The following SBF2 variants were observed in gnomAD, a reference collection of about 807,000 sequenced individuals.
SBF2 encodes the protein myotubularin-related protein 13.
A neutral mutation model predicts 225.2 loss-of-function variants in SBF2; 112 were observed. That is an observed-to-expected ratio of 0.50 (90% CI 0.43 to 0.58). The LOEUF (loss-of-function observed/expected upper bound fraction) is 0.58, where lower values mean the gene tolerates loss of function less well. Ranked by LOEUF, SBF2 falls within the 20% of genes least tolerant of loss-of-function variation. The pLI is 0.00. For missense variants in SBF2, 1,996 were observed against 2,206.2 expected (o/e 0.90, Z 1.91); for synonymous variants, 763 against 773.3 (o/e 0.99, Z 0.22).
chr11:10,063,858 C>CACACAGAGAGAGAGAGAGAGAG (rs373423157), intron 2 of SBF2, among the ~76,000 whole-genome samples: 92 of 136,222 alleles, frequency 6.8e-4, no homozygotes, highest in East Asian at 5.1e-3. Flanking sequence ...CACACACACA[C>CACACAGAGAGAGAGAGAGAGAG]AGAGAGAGAG....
intron 2 of SBF2, among the ~76,000 whole-genome samples, chr11:10,070,730 A>T (rs1041996171): frequency 3.9e-5 from 6 of 152,192 alleles, no homozygotes; most frequent in Non-Finnish European, 7.4e-5. Context: ...GATGGAATTG[A>T]ATCTATAGAT....
At chr11:10,119,055 T>A (rs1011950327) in intron 2 of SBF2, among the ~76,000 whole-genome samples, 44 of 152,062 alleles carry the variant, frequency 2.9e-4, no homozygotes, top group African/African-American at 1.1e-3. Flanking sequence ...ATTTTGCAAT[T>A]CTCAGGGTAG....
intron 1 of SBF2, among the ~76,000 whole-genome samples, chr11:10,279,871 G>T (rs1365629617): frequency 6.6e-6 from 1 of 151,914 alleles, no homozygotes; most frequent in South Asian, 2.1e-4. Context: ...GGCTGGTCTC[G>T]AACTTCTGAC....
At chr11:9,792,937 GTGTT>G (rs1455736388) in intron 33 of SBF2, among the ~76,000 whole-genome samples, 4 of 132,538 alleles carry the variant, frequency 3.0e-5, no homozygotes, top group Non-Finnish European at 4.8e-5. Flanking sequence ...GTGTGTGTGT[GTGTT>G]TTTTTTTTTT....
intron 16 of SBF2, among the ~76,000 whole-genome samples, chr11:9,906,699 A>G (rs1318300898): frequency 6.6e-6 from 1 of 152,264 alleles, no homozygotes; most frequent in African/African-American, 2.4e-5. Flanking sequence ...GAATCAGTCC[A>G]TAAATACACA....
At chr11:10,063,270 C>T (rs1035824873) in intron 2 of SBF2, among the ~76,000 whole-genome samples, 1 of 151,598 alleles carries the variant, frequency 6.6e-6, no homozygotes, top group Non-Finnish European at 1.5e-5. Flanking sequence ...AAACCCCCGA[C>T]ACATGTTTAT....
At chr11:10,233,051 T>C (rs1311200849) in intron 1 of SBF2, among the ~76,000 whole-genome samples, 1 of 152,160 alleles carries the variant, frequency 6.6e-6, no homozygotes, top group African/African-American at 2.4e-5. Flanking sequence ...ACATAAATGG[T>C]CTACACCTCC....
chr11:10,227,079 T>C (rs1281855994), intron 1 of SBF2, among the ~76,000 whole-genome samples: 12 of 152,242 alleles, frequency 7.9e-5, no homozygotes, highest in Non-Finnish European at 1.6e-4. Context: ...TGGCCAGTGA[T>C]GATGAGCATT....
intron 23 of SBF2, among the ~76,000 whole-genome samples, chr11:9,846,050 G>C (rs1856522310): frequency 6.6e-6 from 1 of 152,166 alleles, no homozygotes. Flanking sequence ...GTTGGTTCCA[G>C]ATAGAGAATT....
chr11:9,958,867 G>C (rs1206437643), intron 16 of SBF2: 2 of 662,504 alleles, frequency 3.0e-6, no homozygotes, highest in African/African-American at 3.6e-5. Flanking sequence ...TCTTCTCCTG[G>C]CCAACAGTCT....
At chr11:10,005,934 A>G (rs1948169062) in intron 6 of SBF2, among the ~76,000 whole-genome samples, 3 of 152,154 alleles carry the variant, frequency 2.0e-5, no homozygotes, top group African/African-American at 7.2e-5. Flanking sequence ...TCACAGGGGT[A>G]GGAAGGACCT....
intron 2 of SBF2, among the ~76,000 whole-genome samples, chr11:10,192,512 G>C (rs1396662017): frequency 6.6e-6 from 1 of 152,194 alleles, no homozygotes; most frequent in African/African-American, 2.4e-5. Context: ...GTAAGGTGCT[G>C]AGATATGTTG....
intron 32 of SBF2, among the ~76,000 whole-genome samples, chr11:9,806,464 T>G (rs141849399): frequency 6.6e-6 from 1 of 152,356 alleles, no homozygotes; most frequent in East Asian, 1.9e-4. Flanking sequence ...GATAGATGCT[T>G]GCTCCTCTCC....
intron 2 of SBF2, among the ~76,000 whole-genome samples, chr11:10,155,367 G>C (rs1246764769): frequency 6.6e-6 from 1 of 150,928 alleles, no homozygotes; most frequent in Non-Finnish European, 1.5e-5. Context: ...GCCATGCTCT[G>C]TTGACAGTTA....
chr11:10,290,722 T>C (rs1376341015), intron 1 of SBF2, among the ~76,000 whole-genome samples: 1 of 152,168 alleles, frequency 6.6e-6, no homozygotes, highest in Non-Finnish European at 1.5e-5. Context: ...TCCTGGACTA[T>C]TTGACTGAAA....
At chr11:10,117,833 C>A (rs1209686898) in intron 2 of SBF2, among the ~76,000 whole-genome samples, 9 of 151,518 alleles carry the variant, frequency 5.9e-5, no homozygotes, top group African/African-American at 2.2e-4. Flanking sequence ...TCAAGTAAAG[C>A]TGGAATGCTG....
At chr11:10,232,087 G>A (rs1277723727) in intron 1 of SBF2, among the ~76,000 whole-genome samples, 2 of 152,230 alleles carry the variant, frequency 1.3e-5, no homozygotes, top group African/African-American at 4.8e-5. Context: ...AGGGCTCCAT[G>A]GGCATAGGAC....
chr11:10,149,644 C>A (rs552651881), intron 2 of SBF2: 1 of 152,290 alleles, frequency 6.6e-6, no homozygotes, highest in Admixed American at 6.5e-5. Context: ...ACTGCCCAAC[C>A]CTTAGGCCAA....
At chr11:10,084,171 C>T (rs1951467781) in intron 2 of SBF2, among the ~76,000 whole-genome samples, 1 of 152,090 alleles carries the variant, frequency 6.6e-6, no homozygotes, top group East Asian at 1.9e-4. Flanking sequence ...AAAAAATTAA[C>T]CTTATTAAAA....
Sources: allele counts gnomAD v4.1 joint callset (sites outside exome capture counted in the v4.1 genomes callset), GRCh38; gene constraint gnomAD v4.1.1; transcripts MANE v1.5; gene names NCBI Gene and HGNC (gene_info 2026-07-23, HGNC 2026-07-21).